SLC23A2: variants seen among roughly 807,000 people sequenced by gnomAD.
SLC23A2 encodes Na(+)/L-ascorbic acid transporter 2.
SLC23A2 carries 36 observed loss-of-function variants against 73.3 expected under a neutral mutation model. That is an observed-to-expected ratio of 0.49 (90% CI 0.38 to 0.65). The LOEUF (loss-of-function observed/expected upper bound fraction) is 0.65, where lower values mean the gene tolerates loss of function less well. Among genes scored for constraint, SLC23A2 ranks in the 30% least tolerant of loss-of-function variants. The probability of loss-of-function intolerance (pLI) is 0.00; values close to 1 mark genes in which losing one functional copy is unlikely to be tolerated. For synonymous variants in SLC23A2, 343 were observed against 327.3 expected (o/e 1.05, Z -0.52); for missense variants, 507 against 841.6 (o/e 0.60, Z 4.92).
intron 11 of SLC23A2, among the ~76,000 whole-genome samples, chr20:4,873,137 A>G (rs1930512675): frequency 1.3e-5 from 2 of 152,252 alleles, no homozygotes; most frequent in Non-Finnish European, 2.9e-5. Context: ...ACATGCTCAG[A>G]GCAGTCATCT....
chr20:4,963,282 G>T (rs1258817692), intron 2 of SLC23A2, among the ~76,000 whole-genome samples: 1 of 152,100 alleles, frequency 6.6e-6, no homozygotes, highest in Admixed American at 6.6e-5. Flanking sequence ...GCCAACCAGG[G>T]ATCCACGTTT....
At chr20:4,985,090 T>C (rs946212756) in intron 1 of SLC23A2, among the ~76,000 whole-genome samples, 2 of 140,760 alleles carry the variant, frequency 1.4e-5, no homozygotes, top group Non-Finnish European at 3.0e-5. Flanking sequence ...TGAGCTGAGA[T>C]GGCGCCACTG....
intron 1 of SLC23A2, among the ~76,000 whole-genome samples, chr20:4,983,442 C>T (rs6133182): frequency 0.46 from 69,160 of 151,100 alleles, 16,353 homozygotes; most frequent in South Asian, 0.66. Context: ...GTGAGGAGAT[C>T]GAGACCATCC....
chr20:4,925,113 G>A (rs1932626341), intron 3 of SLC23A2, among the ~76,000 whole-genome samples: 1 of 151,786 alleles, frequency 6.6e-6, no homozygotes, highest in Non-Finnish European at 1.5e-5. Flanking sequence ...AACCCAGGAG[G>A]TTGAGGCTGC....
chr20:4,875,984 T>G (rs1469075231), intron 9 of SLC23A2, among the ~76,000 whole-genome samples: 1 of 152,188 alleles, frequency 6.6e-6, no homozygotes, highest in Non-Finnish European at 1.5e-5. Flanking sequence ...ATGCGTGTGT[T>G]GCTCCACGGG....
chr20:4,989,325 T>C (rs1020176501), intron 1 of SLC23A2, among the ~76,000 whole-genome samples: 1 of 152,010 alleles, frequency 6.6e-6, no homozygotes, highest in East Asian at 1.9e-4. Flanking sequence ...AAGTTAAGTA[T>C]TCCTTGTATA....
intron 1 of SLC23A2, among the ~76,000 whole-genome samples, chr20:5,000,130 C>T (rs963981451): frequency 1.4e-4 from 21 of 152,168 alleles, no homozygotes; most frequent in African/African-American, 4.8e-4. Flanking sequence ...CTGATAGAGC[C>T]AACCATAACC....
At chr20:4,873,879 C>A in intron 11 of SLC23A2, 57 bp downstream of exon 11, 2 of 1,521,000 alleles carry the variant, frequency 1.3e-6, no homozygotes, top group East Asian at 4.6e-5. Context: ...CAAATTCCCA[C>A]CCCTCTCAGT....
At chr20:4,860,495 G>T (rs1568599646) in intron 15 of SLC23A2, among the ~76,000 whole-genome samples, 2 of 152,202 alleles carry the variant, frequency 1.3e-5, no homozygotes, top group South Asian at 4.1e-4. Context: ...GCTATGGTGT[G>T]TGTTAAAGAA....
intron 2 of SLC23A2, among the ~76,000 whole-genome samples, chr20:4,940,052 C>T (rs1753274984): frequency 6.6e-6 from 1 of 152,176 alleles, no homozygotes; most frequent in South Asian, 2.1e-4. Flanking sequence ...CATGGTGGCT[C>T]ATGCCTCTAA....
intron 1 of SLC23A2, among the ~76,000 whole-genome samples, chr20:4,993,967 G>A (rs1195204189): frequency 6.6e-6 from 1 of 152,112 alleles, no homozygotes; most frequent in African/African-American, 2.4e-5. Context: ...GTACATGCCT[G>A]TAGTCCCAGC....
intron 1 of SLC23A2, among the ~76,000 whole-genome samples, chr20:4,990,971 C>CAAAAAA (rs1198847840): frequency 3.5e-5 from 2 of 56,812 alleles, no homozygotes; most frequent in African/African-American, 5.3e-5. Flanking sequence ...AACTCCATCT[C>CAAAAAA]AAAAAAAAAA....
intron 1 of SLC23A2, among the ~76,000 whole-genome samples, chr20:4,983,679 G>A (rs2087769333): frequency 6.8e-6 from 1 of 146,102 alleles, no homozygotes; most frequent in South Asian, 2.2e-4. Flanking sequence ...CACAAGCAAG[G>A]CCAGGTTCGG....
chr20:4,931,057 TA>T (rs1262459771), intron 3 of SLC23A2, among the ~76,000 whole-genome samples: 3 of 136,292 alleles, frequency 2.2e-5, no homozygotes, highest in African/African-American at 8.3e-5. Context: ...AAATAACTGT[TA>T]TTTTTTTAAG....
chr20:4,858,168 AT>A (rs1929812847), intron 16 of SLC23A2, among the ~76,000 whole-genome samples: 1 of 152,076 alleles, frequency 6.6e-6, no homozygotes, highest in Non-Finnish European at 1.5e-5. Flanking sequence ...GTCTGGTGCT[AT>A]GGGGGACACA....
At chr20:4,894,779 G>C (rs1177495558) in intron 6 of SLC23A2, among the ~76,000 whole-genome samples, 1 of 150,990 alleles carries the variant, frequency 6.6e-6, no homozygotes, top group Non-Finnish European at 1.5e-5. Flanking sequence ...CTGTTTCACT[G>C]TGTCTTCTGC....
At chr20:4,913,945 C>A (rs887750540) in intron 3 of SLC23A2, among the ~76,000 whole-genome samples, 1 of 151,556 alleles carries the variant, frequency 6.6e-6, no homozygotes, top group African/African-American at 2.4e-5. Context: ...TAGTTATAGG[C>A]CACTGACACC....
intron 3 of SLC23A2, among the ~76,000 whole-genome samples, chr20:4,917,880 A>C (rs957148712): frequency 6.6e-6 from 1 of 152,206 alleles, no homozygotes; most frequent in African/African-American, 2.4e-5. Flanking sequence ...GTTCTTGCCT[A>C]AATGGTTCTT....
At chr20:4,945,539 C>T (rs908806566) in intron 2 of SLC23A2, among the ~76,000 whole-genome samples, 1 of 152,178 alleles carries the variant, frequency 6.6e-6, no homozygotes, top group South Asian at 2.1e-4. Context: ...CCGCCTCAGC[C>T]TCTCAAAGTG....
Sources: gnomAD v4.1 joint callset for allele counts (sites outside exome capture counted in the v4.1 genomes callset) on GRCh38, gnomAD v4.1.1 for gene constraint, MANE v1.5 for transcripts, NCBI Gene and HGNC (gene_info 2026-07-23, HGNC 2026-07-21) for gene names.